The following SEC14L2 variants were observed in gnomAD, a reference collection of about 807,000 sequenced individuals.
SEC14L2 encodes SEC14-like protein 2.
A neutral mutation model predicts 56.9 loss-of-function variants in SEC14L2; 50 were observed. The ratio of observed to expected loss-of-function variants is 0.88; its 90% CI spans 0.70 to 1.11. The LOEUF (loss-of-function observed/expected upper bound fraction) is 1.11. Among genes scored for constraint, SEC14L2 ranks in the 50% most tolerant of loss-of-function variants. The pLI is 0.00. For synonymous variants in SEC14L2, 179 were observed against 188.5 expected, an observed-to-expected ratio of 0.95 and a Z score of 0.41; for missense variants, 414 against 500.7, an observed-to-expected ratio of 0.83 and a Z score of 1.65.
rs371693630 is a variant in SEC14L2 at position 30,423,464 on chromosome 22, A to AG, written c.*1059dup. 305 of 152,772 alleles carry AG rather than the reference A, an allele frequency of 2.0e-3. 3 individuals carry two copies. Among genetic ancestry groups the AG allele is most frequent in the African/African-American group, 7.0e-3 (293 of 41,602 alleles). The allele number at this position is 152,772 out of a possible 1,614,324, so 9.5% of individuals were successfully genotyped here. A position where few individuals can be genotyped will look rare whatever the true frequency, so the allele number is the denominator to read the frequency against. On this transcript the variant is annotated 3_prime_UTR_variant, in exon 12 of 12. Transcript: ENST00000615189. ...GCGTAGCCAGGCCTGGAGGCCCCCC[A>AG]GGCAGGAGGCCGCCCAAAGGCGGGG... is the stretch of plus-strand genomic sequence containing the variant.
At position 30,400,079 on chromosome 22, in the gene SEC14L2, G is replaced by T. The variant is rs36071897; in HGVS notation, c.130+361G>T. ...AAAGTGAGAAAGGCCCCAGCCATGT[G>T]GGGGGTCGGAGGCAGAGCCAAGTGT... On this transcript the variant is annotated intron_variant, in intron 2 of 11. Transcript: ENST00000615189. Among the ~76,000 whole-genome samples, 773 of 152,376 alleles carry T rather than the reference G, an allele frequency of 5.1e-3. 3 individuals are homozygous for T. The highest frequency in any genetic ancestry group is 0.018 in the African/African-American group (733 of 41,584).
In SEC14L2 at chr22:30,399,716, G is replaced by C; in HGVS notation, c.128G>C (p.Arg43Pro). The C allele has an allele frequency of 6.2e-7, 1 of 1,613,260 alleles. No homozygotes were observed. Among genetic ancestry groups the C allele is most frequent in the Non-Finnish European group, 8.5e-7 (1 of 1,179,702 alleles). The change falls in exon 2 of 12, where the codon CGA (arginine) becomes CCA (proline). Residue 43 changes from arginine (R) to proline (P), a missense_variant and splice_region_variant. Physicochemically the swap from Arg to Pro is moderately radical, Grantham distance 103 (BLOSUM62 -2). Transcript: ENST00000615189. Reference sequence around the variant, plus strand: ...GACTATTTTCTCCTGCGTTGGCTCCGAGGTGAGGGAAGAGGGGCTGCGGGA... The same window carrying C: ...GACTATTTTCTCCTGCGTTGGCTCCCAGGTGAGGGAAGAGGGGCTGCGGGA... ...PDDYFLLRWL[R>P]ARSFDLQKSE...
intron 2 of SEC14L2, among the ~76,000 whole-genome samples, chr22:30,403,938 G>A (rs888868942): frequency 4.7e-4 from 69 of 147,866 alleles, no homozygotes; most frequent in Non-Finnish European, 9.7e-4. Flanking sequence ...GGGAAGCGGA[G>A]CTTGCAGTGA....
chr22:30,405,781 A>G (rs1039039912), intron 2 of SEC14L2, among the ~76,000 whole-genome samples: 3 of 152,116 alleles, frequency 2.0e-5, no homozygotes, highest in Non-Finnish European at 4.4e-5. Flanking sequence ...GGCTCCAGCA[A>G]TCCTCCCACC....
intron 3 of SEC14L2, 91 bp downstream of exon 3, chr22:30,406,476 A>G: frequency 7.4e-7 from 1 of 1,348,860 alleles, no homozygotes; most frequent in South Asian, 1.2e-5. Context: ...TCCCAATCAC[A>G]GCTTTTGGCT....
In SEC14L2 at chr22:30,412,729, T is replaced by G. The variant is rs544704987; in HGVS notation, c.664+2050T>G. Among the ~76,000 whole-genome samples the G allele has an allele frequency of 2.5e-3, 371 of 146,726 alleles. 12 individuals carry two copies. Among genetic ancestry groups the G allele is most frequent in the Admixed American group, 0.025 (366 of 14,506 alleles). ...GTCCCAGCTACATGGGAGGGTGAGG[T>G]GGGAGGATCGCTTAGCCCAGGAGTT... On this transcript the variant is annotated intron_variant, in intron 8 of 11. Transcript: ENST00000615189.
chr22:30,402,380 G>A (rs1933964559), intron 2 of SEC14L2, among the ~76,000 whole-genome samples: 1 of 152,146 alleles, frequency 6.6e-6, no homozygotes, highest in Non-Finnish European at 1.5e-5. Context: ...CCAGCCAGGG[G>A]TCCTGGCAGC....
intron 1 of SEC14L2, 24 bp downstream of exon 1, chr22:30,397,194 C>A: frequency 6.6e-7 from 1 of 1,506,186 alleles, no homozygotes; most frequent in Non-Finnish European, 8.9e-7. Flanking sequence ...CTGGCCCGGG[C>A]TCCCGCCTCG....
At position 30,417,569 on chromosome 22, in the gene SEC14L2, A is replaced by G. The variant is rs375827399; in HGVS notation, c.1081+1166A>G. On this transcript the variant is annotated intron_variant, in intron 11 of 11. Coordinates refer to ENST00000615189, the MANE Select transcript of SEC14L2 (RefSeq NM_012429.5). ...GGTTTCCGGACTGCTACACTGGGGT[A>G]TCTCACAGGGATACCTGATGATTTG... Among the ~76,000 whole-genome samples, 119 of 149,900 alleles carry G rather than the reference A, an allele frequency of 7.9e-4. 1 individual carries two copies. The highest frequency in any genetic ancestry group is 2.8e-3 in the African/African-American group (113 of 40,724).
chr22:30,409,361 G>A, intron 6 of SEC14L2, 65 bp from the exon 7 acceptor site: 1 of 1,605,600 alleles, frequency 6.2e-7, no homozygotes, highest in Non-Finnish European at 8.5e-7. Context: ...TGTCCTGTGG[G>A]ATGGGTGAGG....
chr22:30,401,036 G>A (rs1933916770), intron 2 of SEC14L2, among the ~76,000 whole-genome samples: 1 of 146,706 alleles, frequency 6.8e-6, no homozygotes, highest in South Asian at 2.2e-4. Flanking sequence ...CCCAAAGTGT[G>A]GTATAGAATC....
At chr22:30,402,439 C>G (rs1040987587) in intron 2 of SEC14L2, among the ~76,000 whole-genome samples, 1 of 152,156 alleles carries the variant, frequency 6.6e-6, no homozygotes, top group Non-Finnish European at 1.5e-5. Flanking sequence ...CACCCTACCC[C>G]CTCACAGTGG....
At chr22:30,408,386 G>C (rs1934156105) in intron 5 of SEC14L2, among the ~76,000 whole-genome samples, 2 of 151,784 alleles carry the variant, frequency 1.3e-5, no homozygotes, top group Non-Finnish European at 2.9e-5. Context: ...GAGCCCAAGA[G>C]TTCAAGACCA....
rs568889860 is a variant in SEC14L2, at chr22:30,424,537, C to G, written c.*2130C>G. On this transcript the variant is annotated 3_prime_UTR_variant, in exon 12 of 12. Transcript: ENST00000615189. ...TCTTAATAAGGCCTACCGGGTATCA[C>G]GCAAAAACCCTGTGCTTACTATTAC... The G allele has an allele frequency of 5.9e-4, 207 of 353,328 alleles. 3 individuals carry two copies. Among genetic ancestry groups the G allele is most frequent in the South Asian group, 3.2e-3 (153 of 47,224 alleles). 21.9% of individuals were successfully genotyped at this position (353,328 alleles called of 1,614,324 possible).
rs1439695685 is a variant in SEC14L2 at position 30,424,125 on chromosome 22, C to T, written c.*1718C>T. 6.5e-6 allele frequency: 1 copy of T among 153,248 alleles called. No homozygotes were observed. Among genetic ancestry groups the T allele is most frequent in the Non-Finnish European group, 1.5e-5 (1 of 68,710 alleles). The allele number at this position is 153,248 out of a possible 1,614,324, so 9.5% of individuals were successfully genotyped here. On this transcript the variant is annotated 3_prime_UTR_variant, in exon 12 of 12. Coordinates refer to ENST00000615189, the MANE Select transcript of SEC14L2 (RefSeq NM_012429.5). Reference sequence around the variant, plus strand: ...CAGTGACGGCGGAGACCCTGCCCCGCCAGCTGCTCAGTACGTGCCGCGTAG... The same window carrying T: ...CAGTGACGGCGGAGACCCTGCCCCGTCAGCTGCTCAGTACGTGCCGCGTAG...
intron 2 of SEC14L2, among the ~76,000 whole-genome samples, chr22:30,402,779 A>G (rs1271985879): frequency 6.6e-6 from 1 of 151,924 alleles, no homozygotes; most frequent in Non-Finnish European, 1.5e-5. Context: ...CAAAACCCAA[A>G]AAACAACAAA....
At position 30,416,375 on chromosome 22, in the gene SEC14L2, G is replaced by T. The variant is rs761047479; in HGVS notation, c.1053G>T (p.Gly351=). 1 of 1,614,192 alleles carries T rather than the reference G, an allele frequency of 6.2e-7. No individual in the cohort carries two copies. Among genetic ancestry groups the T allele is most frequent in the Non-Finnish European group, 8.5e-7 (1 of 1,180,014 alleles). ...RYNSHLVPED[G]TLTCSDPGIY... is the part of the protein sequence containing the mutation. ...ACTCCCACCTGGTCCCTGAAGATGG[G>T]ACCCTCACCTGCAGTGATCCTGGCA... The change falls in exon 11 of 12, where the codon GGG becomes GGT. Residue 351 remains glycine, a synonymous_variant. Transcript: ENST00000615189.
chr22:30,400,079 G>C (rs36071897), intron 2 of SEC14L2, among the ~76,000 whole-genome samples: 3 of 152,260 alleles, frequency 2.0e-5, no homozygotes, highest in Non-Finnish European at 4.4e-5. Flanking sequence ...CCAGCCATGT[G>C]GGGGGTCGGA....
At chr22:30,410,008 G>A (rs1473036449) in intron 7 of SEC14L2, among the ~76,000 whole-genome samples, 1 of 152,198 alleles carries the variant, frequency 6.6e-6, no homozygotes, top group East Asian at 1.9e-4. Context: ...GACCAGCCTG[G>A]CCAATATAGC....
Sources: allele counts gnomAD v4.1 joint callset (sites outside exome capture counted in the v4.1 genomes callset), GRCh38; gene constraint gnomAD v4.1.1; transcripts MANE v1.5; gene names NCBI Gene and HGNC (gene_info 2026-07-23, HGNC 2026-07-21).